CPNE4: variants seen among roughly 807,000 people sequenced by gnomAD.
CPNE4 encodes the protein copine 4, also known as copine-4.
CPNE4 carries 25 observed loss-of-function variants against 67.9 expected under a neutral mutation model. That is an observed-to-expected ratio of 0.37 (90% CI 0.27 to 0.51). CPNE4 has a LOEUF of 0.51. CPNE4 is among the 20% of genes least tolerant of loss of function. The probability of loss-of-function intolerance (pLI) is 0.93; values close to 1 mark genes in which losing one functional copy is unlikely to be tolerated. For missense variants in CPNE4, 464 were observed against 690.8 expected, an observed-to-expected ratio of 0.67 and a Z score of 3.68; for synonymous variants, 242 against 244.9, an observed-to-expected ratio of 0.99 and a Z score of 0.11.
intron 2 of CPNE4, among the ~76,000 whole-genome samples, chr3:131,811,599 C>T (rs371528267): frequency 1.3e-5 from 2 of 152,058 alleles, no homozygotes; most frequent in Admixed American, 6.6e-5. Flanking sequence ...TGTCCCAACC[C>T]TGCCTCTAAG....
intron 1 of CPNE4, among the ~76,000 whole-genome samples, chr3:132,015,237 C>G (rs1375291500): frequency 1.3e-5 from 2 of 151,978 alleles, no homozygotes; most frequent in Non-Finnish European, 2.9e-5. Flanking sequence ...AATTATTGCA[C>G]ATCTCTGGGC....
intron 2 of CPNE4, among the ~76,000 whole-genome samples, chr3:131,787,396 G>A (rs1047389248): frequency 1.3e-5 from 2 of 152,162 alleles, no homozygotes; most frequent in African/African-American, 4.8e-5. Flanking sequence ...ACCTGGTGGG[G>A]AGCTCTGGAG....
intron 2 of CPNE4, among the ~76,000 whole-genome samples, chr3:131,835,561 C>T (rs1044067412): frequency 6.6e-6 from 1 of 152,020 alleles, no homozygotes; most frequent in Non-Finnish European, 1.5e-5. Flanking sequence ...AACCTGTTTC[C>T]TCCATTCAGA....
rs893404328 is a variant in CPNE4 at position 132,006,772 on chromosome 3, G to A, written c.-2+27795C>T. Reference sequence around the variant, plus strand: ...GTAACTGGATTTCCAAGGTCACAATGGGGCATGACGTGCCCAGACCGCAAA... The same window carrying A: ...GTAACTGGATTTCCAAGGTCACAATAGGGCATGACGTGCCCAGACCGCAAA... On this transcript the variant is annotated intron_variant, in intron 1 of 15. Coordinates refer to ENST00000429747, the MANE Select transcript of CPNE4 (RefSeq NM_130808.3). 2.6e-5 allele frequency among the ~76,000 whole-genome samples: 4 copies of A among 152,110 alleles called. No homozygotes were observed. The South Asian group carries it at 6.2e-4, about 24-fold the overall frequency.
At chr3:131,964,801 C>T (rs1337252573) in intron 1 of CPNE4, among the ~76,000 whole-genome samples, 1 of 152,108 alleles carries the variant, frequency 6.6e-6, no homozygotes, top group Non-Finnish European at 1.5e-5. Flanking sequence ...AAATATACTT[C>T]AGGATATTGT....
intron 7 of CPNE4, among the ~76,000 whole-genome samples, chr3:131,593,269 C>T (rs1411112887): frequency 2.0e-5 from 3 of 152,132 alleles, no homozygotes; most frequent in African/African-American, 7.2e-5. Context: ...GACATTTGAA[C>T]ACTAAGTCTT....
intron 2 of CPNE4, among the ~76,000 whole-genome samples, chr3:131,792,508 T>C (rs1368674288): frequency 6.7e-6 from 1 of 150,372 alleles, no homozygotes; most frequent in Non-Finnish European, 1.5e-5. Context: ...TACATATACC[T>C]GATCTCTCTC....
In CPNE4 at chr3:131,887,991, G is replaced by A. The variant is rs1461145; in HGVS notation, c.180+17273C>T. The stretch of plus-strand genomic sequence containing the variant: ...ACTGGAAGTCCTAGCCTAACACTTG[G>A]GTGAAGATGCCTTCACACGATCTGA... On this transcript the variant is annotated intron_variant, in intron 2 of 15. Transcript: ENST00000429747. Among the ~76,000 whole-genome samples the A allele has an allele frequency of 7.9e-3, 1,202 of 152,118 alleles. 16 individuals carry two copies. Among genetic ancestry groups the A allele is most frequent in the South Asian group, 0.059 (283 of 4,812 alleles).
chr3:131,593,603 A>T (rs1938666830), intron 7 of CPNE4, among the ~76,000 whole-genome samples: 1 of 152,220 alleles, frequency 6.6e-6, no homozygotes, highest in African/African-American at 2.4e-5. Flanking sequence ...ATAGGATTAT[A>T]TCATTTGTAA....
chr3:131,730,329 A>G (rs556851749), intron 2 of CPNE4, among the ~76,000 whole-genome samples: 3 of 152,346 alleles, frequency 2.0e-5, no homozygotes, highest in African/African-American at 7.2e-5. Context: ...TTATAATTTT[A>G]CAAATGATCC....
rs1935062147 is a variant in CPNE4 at position 131,535,140 on chromosome 3, TA to T, written c.*54del. ...GTACAGGAGTAGTAGAAGTATTAAA[TA>T]TGAAATATTAGCAGGAATAGTATTT... is the stretch of plus-strand genomic sequence containing the variant. On this transcript the variant is annotated 3_prime_UTR_variant, in exon 16 of 16. Coordinates refer to ENST00000429747, the MANE Select transcript of CPNE4 (RefSeq NM_130808.3). The T allele has an allele frequency of 2.7e-6, 4 of 1,508,700 alleles. No individual in the cohort carries two copies. The East Asian group carries it at 9.2e-5, about 35-fold the overall frequency. The allele number at this position is 1,508,700 out of a possible 1,614,324, so 93.5% of individuals were successfully genotyped here. A position where few individuals can be genotyped will look rare whatever the true frequency, so the allele number is the denominator to read the frequency against.
intron 1 of CPNE4, among the ~76,000 whole-genome samples, chr3:131,907,894 T>TA (rs144561219): frequency 0.011 from 1,669 of 152,268 alleles, 36 homozygotes; most frequent in African/African-American, 0.038. Flanking sequence ...AAATTAGTTT[T>TA]AGGATGAGAA....
intron 11 of CPNE4, among the ~76,000 whole-genome samples, chr3:131,563,869 G>A (rs1436870302): frequency 6.6e-6 from 1 of 152,038 alleles, no homozygotes; most frequent in Non-Finnish European, 1.5e-5. Context: ...ATCATCTGGG[G>A]ATCTTGTTAA....
intron 3 of CPNE4, among the ~76,000 whole-genome samples, chr3:131,704,310 T>A (rs2081369496): frequency 6.6e-6 from 1 of 152,114 alleles, no homozygotes; most frequent in South Asian, 2.1e-4. Flanking sequence ...CACAGCAAGA[T>A]GGAAGTGGGG....
At chr3:132,029,483 T>C (rs192216440) in intron 1 of CPNE4, among the ~76,000 whole-genome samples, 189 of 152,284 alleles carry the variant, frequency 1.2e-3, no homozygotes, top group African/African-American at 4.5e-3. Context: ...CCTCTAGCGA[T>C]TGTCCATTCC....
intron 2 of CPNE4, among the ~76,000 whole-genome samples, chr3:131,876,331 G>A (rs2087451099): frequency 6.6e-6 from 1 of 151,770 alleles, no homozygotes; most frequent in South Asian, 2.1e-4. Context: ...TTGTGAGAAT[G>A]TTTTATTATT....
chr3:131,688,518 C>T (rs2107684443), intron 5 of CPNE4, among the ~76,000 whole-genome samples: 1 of 152,284 alleles, frequency 6.6e-6, no homozygotes, highest in African/African-American at 2.4e-5. Context: ...CTCCCTTTCC[C>T]TATGGATGTG....
chr3:131,606,740 C>T (rs1414694756), intron 7 of CPNE4, among the ~76,000 whole-genome samples: 1 of 152,124 alleles, frequency 6.6e-6, no homozygotes, highest in East Asian at 1.9e-4. Context: ...GTTCTCCTCA[C>T]TGCAGAATTG....
intron 7 of CPNE4, among the ~76,000 whole-genome samples, chr3:131,638,145 A>T (rs188983327): frequency 6.6e-5 from 10 of 152,298 alleles, no homozygotes; most frequent in African/African-American, 2.2e-4. Flanking sequence ...ACCACAAGGT[A>T]TTCAGGCCAC....
Sources: gnomAD v4.1 joint callset for allele counts (sites outside exome capture counted in the v4.1 genomes callset) on GRCh38, gnomAD v4.1.1 for gene constraint, MANE v1.5 for transcripts, NCBI Gene and HGNC (gene_info 2026-07-23, HGNC 2026-07-21) for gene names.